The following COG6 variants were observed in gnomAD, a reference collection of about 807,000 sequenced individuals.
The protein encoded by COG6 is component of oligomeric golgi complex 6.
COG6 carries 74 observed loss-of-function variants against 88.8 expected under a neutral mutation model. The observed-to-expected ratio is 0.83, with a 90% CI of 0.69 to 1.01. The LOEUF (loss-of-function observed/expected upper bound fraction) is 1.01. Among genes scored for constraint, COG6 ranks in the 50% least tolerant of loss-of-function variants. The probability of loss-of-function intolerance (pLI) is 0.00; values close to 1 mark genes in which losing one functional copy is unlikely to be tolerated. For synonymous variants in COG6, 286 were observed against 278.7 expected (o/e 1.03, Z -0.26); for missense variants, 800 against 797.9 (o/e 1.00, Z -0.03).
intron 1 of COG6, among the ~76,000 whole-genome samples, chr13:39,657,771 T>A (rs149554463): frequency 2.0e-5 from 3 of 152,206 alleles, no homozygotes; most frequent in Non-Finnish European, 4.4e-5. Context: ...TTCTCTGCTC[T>A]CTCTTCCATT....
rs528860515 is a variant in COG6 at position 39,721,504 on chromosome 13, G to A, written c.1584+1677G>A. On this transcript the variant is annotated intron_variant, in intron 15 of 18. Transcript: ENST00000455146. ...CCCAGTGCCCTTTCAGACCCCACTG[G>A]CAGTCCCTTGAGTGGGTATTCCAAG... Among the ~76,000 whole-genome samples the A allele has an allele frequency of 4.6e-5, 7 of 152,168 alleles. No homozygotes were observed. The East Asian group carries it at 9.7e-4, about 21-fold the overall frequency.
chr13:39,699,413 T>A, intron 12 of COG6, 88 bp from the exon 13 acceptor site: 1 of 686,022 alleles, frequency 1.5e-6, no homozygotes, highest in Non-Finnish European at 2.7e-6. Flanking sequence ...TTTATTTAAA[T>A]CTAGATCCTT....
chr13:39,680,295 T>G (rs1876233587), intron 7 of COG6, among the ~76,000 whole-genome samples: 1 of 152,240 alleles, frequency 6.6e-6, no homozygotes, highest in African/African-American at 2.4e-5. Context: ...GTTTGTATCA[T>G]GAGCACCAGC....
chr13:39,752,621 A>G lies in COG6; in HGVS notation c.*1528A>G. Reference sequence around the variant, plus strand: ...ACCTGGTTTTTTCAAATAAAATATTAAAATATTTCTAGAGCAGCAATTATT... The same window carrying G: ...ACCTGGTTTTTTCAAATAAAATATTGAAATATTTCTAGAGCAGCAATTATT... On this transcript the variant is annotated 3_prime_UTR_variant, in exon 19 of 19. Transcript: ENST00000455146. 1 of 1,259,054 alleles carries G rather than the reference A, an allele frequency of 7.9e-7. No individual in the cohort carries two copies. The highest frequency in any genetic ancestry group is 1.5e-5 in the African/African-American group (1 of 64,628). The allele number at this position is 1,259,054 out of a possible 1,614,324, so 78.0% of individuals were successfully genotyped here.
At chr13:39,710,288 CAT>C (rs2138057472) in intron 13 of COG6, among the ~76,000 whole-genome samples, 1 of 152,116 alleles carries the variant, frequency 6.6e-6, no homozygotes, top group East Asian at 1.9e-4. Flanking sequence ...TTATTTTACA[CAT>C]ATGTATTTCT....
Position 39,659,505 on chromosome 13 carries a change from G to T in COG6, c.295G>T (p.Glu99Ter). The change falls in exon 2 of 19, where the codon GAG becomes TAG. Residue 99 changes from glutamate to a stop codon, truncating the protein, a stop_gained and splice_region_variant. Coordinates refer to ENST00000455146, the MANE Select transcript of COG6 (RefSeq NM_020751.3). LOFTEE classifies it high-confidence loss of function. ...EFVSIFKEVK[E>*]ELESISEDVQ... ...TGTAAGCATTTTCAAGGAAGTGAAGGAGGTATGTAAACTCTTTTCATTTAG... is the reference window on the plus strand; with the variant it reads ...TGTAAGCATTTTCAAGGAAGTGAAGTAGGTATGTAAACTCTTTTCATTTAG... 1 of 1,612,314 alleles carries T rather than the reference G, an allele frequency of 6.2e-7. No individual in the cohort carries two copies. The highest frequency in any genetic ancestry group is 1.3e-5 in the African/African-American group (1 of 74,996).
intron 11 of COG6, among the ~76,000 whole-genome samples, chr13:39,693,504 T>G (rs1877095451): frequency 6.6e-6 from 1 of 151,996 alleles, no homozygotes; most frequent in Non-Finnish European, 1.5e-5. Flanking sequence ...TAAGAAAATA[T>G]CACTTTTATT....
chr13:39,742,512 A>T (rs1171157541), intron 18 of COG6, among the ~76,000 whole-genome samples: 1 of 152,098 alleles, frequency 6.6e-6, no homozygotes, highest in Non-Finnish European at 1.5e-5. Context: ...AAAGAAGGCC[A>T]TTACATAATG....
chr13:39,733,192 T>C (rs1471127463), intron 18 of COG6, among the ~76,000 whole-genome samples: 2 of 148,948 alleles, frequency 1.3e-5, no homozygotes, highest in African/African-American at 2.4e-5. Flanking sequence ...AAGAATTCTT[T>C]TTTTTTTTTT....
At chr13:39,730,913 C>T (rs1048867715) in intron 18 of COG6, among the ~76,000 whole-genome samples, 1 of 151,552 alleles carries the variant, frequency 6.6e-6, no homozygotes, top group East Asian at 2.0e-4. Context: ...CCTCCATCTC[C>T]TGGGTTCAAG....
intron 18 of COG6, among the ~76,000 whole-genome samples, chr13:39,732,351 A>G (rs535983513): frequency 1.3e-5 from 2 of 152,372 alleles, no homozygotes; most frequent in East Asian, 1.9e-4. Context: ...CAGACAATCA[A>G]CAGTGTAACA....
At chr13:39,710,929 A>G (rs1305673691) in intron 13 of COG6, among the ~76,000 whole-genome samples, 1 of 152,022 alleles carries the variant, frequency 6.6e-6, no homozygotes, top group East Asian at 1.9e-4. Context: ...TCTTTTAAAA[A>G]ATATTAACTT....
At chr13:39,737,765 C>T (rs1879839185) in intron 18 of COG6, among the ~76,000 whole-genome samples, 2 of 152,088 alleles carry the variant, frequency 1.3e-5, no homozygotes, top group African/African-American at 2.4e-5. Flanking sequence ...ACTTGCCCTT[C>T]AGTTTATTTC....
chr13:39,707,830 T>A (rs1878027258), intron 13 of COG6, among the ~76,000 whole-genome samples: 1 of 152,228 alleles, frequency 6.6e-6, no homozygotes, highest in African/African-American at 2.4e-5. Context: ...TTCTTGGATA[T>A]TGTAAATAAA....
chr13:39,723,198 C>T (rs1262504681), intron 15 of COG6, 135 bp from the exon 16 acceptor site: 2 of 652,190 alleles, frequency 3.1e-6, no homozygotes, highest in Non-Finnish European at 2.8e-6. Flanking sequence ...GAAAGACTTA[C>T]TGTTTGGGGG....
chr13:39,788,386 C>T (rs1881838401), exon 19 of COG6: 2 of 1,550,352 alleles, frequency 1.3e-6, no homozygotes, highest in African/African-American at 2.7e-5. Flanking sequence ...GGACCTTGTG[C>T]TTCTGGAGCC....
chr13:39,690,647 AATTTT>A (rs1394070619), intron 11 of COG6, among the ~76,000 whole-genome samples: 2 of 151,990 alleles, frequency 1.3e-5, no homozygotes, highest in East Asian at 3.8e-4. Flanking sequence ...CTTTAAAATT[AATTTT>A]ATTTTATTTC....
At chr13:39,754,733 A>G (rs1032046341), downstream of COG6, among the ~76,000 whole-genome samples, 8 of 152,198 alleles carry the variant, frequency 5.3e-5, no homozygotes, top group African/African-American at 1.4e-4. Flanking sequence ...TGTGATAAGC[A>G]TTTAAAAATA....
At chr13:39,742,554 C>G (rs1880103045) in intron 18 of COG6, among the ~76,000 whole-genome samples, 1 of 151,776 alleles carries the variant, frequency 6.6e-6, no homozygotes, top group South Asian at 2.1e-4. Flanking sequence ...GAAGAGCTAA[C>G]TATCCTAAAT....
Sources: gnomAD v4.1 joint callset for allele counts (sites outside exome capture counted in the v4.1 genomes callset) on GRCh38, gnomAD v4.1.1 for gene constraint, MANE v1.5 for transcripts, NCBI Gene and HGNC (gene_info 2026-07-23, HGNC 2026-07-21) for gene names.